STEAP3: variants seen among roughly 807,000 people sequenced by gnomAD.
The protein encoded by STEAP3 is metalloreductase STEAP3.
Under a neutral mutation model 34.9 loss-of-function variants are expected in STEAP3, and 35 were observed. That is an observed-to-expected ratio of 1.00 (90% CI 0.76 to 1.33). The LOEUF is 1.33. STEAP3 is among the 40% of genes most tolerant of loss of function. The pLI is 0.00. For missense variants in STEAP3, 652 were observed against 667.6 expected (o/e 0.98, Z 0.26); for synonymous variants, 281 against 301.6 (o/e 0.93, Z 0.71).
intron 3 of STEAP3, 89 bp downstream of exon 3, chr2:119,246,077 G>A: frequency 6.7e-7 from 1 of 1,482,384 alleles, no homozygotes; most frequent in Non-Finnish European, 9.1e-7. Context: ...TTTTTGATAT[G>A]TTATCATAAC....
intron 5 of STEAP3, among the ~76,000 whole-genome samples, chr2:119,256,127 C>T (rs1046085352): frequency 3.3e-5 from 5 of 152,226 alleles, no homozygotes; most frequent in African/African-American, 2.4e-5. Context: ...GCAGGGAGGA[C>T]GTGGTACAGG....
intron 2 of STEAP3, 90 bp from the exon 3 acceptor site, chr2:119,245,399 C>T: frequency 6.7e-7 from 1 of 1,502,132 alleles, no homozygotes; most frequent in Non-Finnish European, 8.9e-7. Flanking sequence ...TGTCTGACTG[C>T]CGTGTAGTTA....
intron 4 of STEAP3, chr2:119,248,489 G>A (rs1056401622): frequency 1.9e-5 from 8 of 426,798 alleles, no homozygotes; most frequent in African/African-American, 1.0e-4. Flanking sequence ...AGAGGATCAG[G>A]AGTGCTAAGG....
intron 2 of STEAP3, among the ~76,000 whole-genome samples, chr2:119,242,544 G>A (rs1036275079): frequency 1.3e-5 from 2 of 152,178 alleles, no homozygotes; most frequent in Non-Finnish European, 2.9e-5. Context: ...GGGGCTGAAG[G>A]GGTGCCTGCA....
chr2:119,262,426 G>A (rs1018123123), intron 5 of STEAP3, among the ~76,000 whole-genome samples: 10 of 152,148 alleles, frequency 6.6e-5, no homozygotes, highest in African/African-American at 2.2e-4. Flanking sequence ...GAGTGCAGTA[G>A]TGCAGTGGCA....
chr2:119,240,278 C>G (rs746667516), intron 2 of STEAP3, among the ~76,000 whole-genome samples: 14 of 152,254 alleles, frequency 9.2e-5, no homozygotes, highest in Admixed American at 5.9e-4. Context: ...AGGACAAGAA[C>G]TGGGTTATTT....
chr2:119,235,681 G>A (rs1677073986), intron 2 of STEAP3, among the ~76,000 whole-genome samples: 1 of 152,262 alleles, frequency 6.6e-6, no homozygotes, highest in African/African-American at 2.4e-5. Flanking sequence ...CTCACCTTGA[G>A]GAGCTTGGAG....
Position 119,230,727 on chromosome 2 carries a change from C to A in STEAP3, c.-286C>A, listed in dbSNP as rs916255402. The A allele has an allele frequency of 5.5e-6, 3 of 540,840 alleles. No individual in the cohort carries two copies. The highest frequency in any genetic ancestry group is 1.0e-5 in the Non-Finnish European group (3 of 298,576). The allele number at this position is 540,840 out of a possible 1,614,324, so 33.5% of individuals were successfully genotyped here. On this transcript the variant is annotated 5_prime_UTR_variant, in exon 2 of 6. Coordinates refer to ENST00000393110, the MANE Select transcript of STEAP3 (RefSeq NM_182915.3). ...CCACTAATTATCACCCGTGAGGTTT[C>A]CTCCCCGAGCAGGAAGCAGCAGGCC... is the stretch of plus-strand genomic sequence containing the variant.
Position 119,245,696 on chromosome 2 carries a change from T to A in STEAP3, c.230T>A (p.Leu77Gln), listed in dbSNP as rs1191800029. 6.2e-7 allele frequency: 1 copy of A among 1,614,140 alleles called. No individual in the cohort carries two copies. The highest frequency in any genetic ancestry group is 1.7e-5 in the Admixed American group (1 of 60,032). The change falls in exon 3 of 6, where the codon CTG becomes CAG. Residue 77 changes from leucine to glutamine, a missense_variant. Leu to Gln is a moderately radical substitution (Grantham distance 113). Coordinates refer to ENST00000393110, the MANE Select transcript of STEAP3 (RefSeq NM_182915.3). ...CGCAACCCCAAACGCACAGCCAGGC[T>A]GTTTCCCTCAGCGGCCCAAGTGACT... The part of the protein sequence containing the change: ...GSRNPKRTAR[L>Q]FPSAAQVTFQ...
rs1365093567 is a variant in STEAP3 at position 119,247,965 on chromosome 2, C to G, written c.809C>G (p.Pro270Arg). 1 of 1,613,298 alleles carries G rather than the reference C, an allele frequency of 6.2e-7. No homozygotes were observed. Among genetic ancestry groups the G allele is most frequent in the Non-Finnish European group, 8.5e-7 (1 of 1,179,984 alleles). The change falls in exon 4 of 6, where the codon CCG (proline) becomes CGG (arginine). Residue 270 changes from proline to arginine, a missense_variant. Transcript: ENST00000393110. The stretch of plus-strand genomic sequence containing the variant: ...GTGTCCGTGGTCAACACCACACTGC[C>G]GTGCGTGGCCTACGTGCTGCTGTCA... The part of the protein sequence containing the change: ...LPVSVVNTTL[P>R]CVAYVLLSLV...
chr2:119,250,481 C>A (rs1677590763), intron 4 of STEAP3, among the ~76,000 whole-genome samples: 2 of 152,210 alleles, frequency 1.3e-5, no homozygotes, highest in South Asian at 4.1e-4. Flanking sequence ...TTCTTACTGA[C>A]TTCTACAAAG....
chr2:119,236,248 C>T (rs116585666), intron 2 of STEAP3, among the ~76,000 whole-genome samples: 2,096 of 152,280 alleles, frequency 0.014, 39 homozygotes, highest in African/African-American at 0.045. Flanking sequence ...ATTTAACAGG[C>T]TCAGAGCGTA....
chr2:119,249,552 C>T (rs1161012578), intron 4 of STEAP3, among the ~76,000 whole-genome samples: 1 of 152,158 alleles, frequency 6.6e-6, no homozygotes, highest in African/African-American at 2.4e-5. Flanking sequence ...AGCCTGGCAG[C>T]CCCTGCAGCT....
intron 1 of STEAP3, among the ~76,000 whole-genome samples, chr2:119,226,885 A>G (rs1194093557): frequency 6.6e-6 from 1 of 151,950 alleles, no homozygotes; most frequent in African/African-American, 2.4e-5. Context: ...TATTCTCCCA[A>G]CCATGTGACT....
intron 5 of STEAP3, among the ~76,000 whole-genome samples, chr2:119,259,811 C>G (rs1343664206): frequency 6.6e-6 from 1 of 152,196 alleles, no homozygotes; most frequent in African/African-American, 2.4e-5. Flanking sequence ...CTGGGAAAGC[C>G]CACGACACAG....
intron 2 of STEAP3, among the ~76,000 whole-genome samples, chr2:119,237,708 C>T (rs1573546774): frequency 6.6e-6 from 1 of 152,228 alleles, no homozygotes. Flanking sequence ...TGCCATACCT[C>T]AATTTCCTTT....
intron 3 of STEAP3, 78 bp downstream of exon 3, chr2:119,246,066 C>T (rs838083): frequency 0.94 from 1,415,126 of 1,510,662 alleles, 665,040 homozygotes; most frequent in East Asian, 1. Context: ...CCAGCATGCT[C>T]TTTTTGATAT....
intron 3 of STEAP3, chr2:119,246,905 A>T (rs981240710): frequency 2.0e-5 from 3 of 152,172 alleles, no homozygotes; most frequent in African/African-American, 7.2e-5. Flanking sequence ...GAGATAAGAA[A>T]CAATGCTCCT....
rs201407133 is a variant in STEAP3 at position 119,263,372 on chromosome 2, C to T, written c.*34C>T. The T allele has an allele frequency of 1.0e-4, 160 of 1,599,196 alleles. 1 individual carries two copies. In the East Asian group the frequency reaches 2.8e-3, roughly 28 times the overall value. On this transcript the variant is annotated 3_prime_UTR_variant, in exon 6 of 6. Transcript: ENST00000393110. ...CCCTGGGCTCTGGACCCCGGGCACACGAGGGACGGTGCCCTGAGCCCGTTA... is the reference window on the plus strand; with the variant it reads ...CCCTGGGCTCTGGACCCCGGGCACATGAGGGACGGTGCCCTGAGCCCGTTA...
Sources: gnomAD v4.1 joint callset for allele counts (sites outside exome capture counted in the v4.1 genomes callset) on GRCh38, gnomAD v4.1.1 for gene constraint, MANE v1.5 for transcripts, NCBI Gene and HGNC (gene_info 2026-07-23, HGNC 2026-07-21) for gene names.